PPIL6: variants seen among roughly 807,000 people sequenced by gnomAD.
PPIL6 encodes peptidylprolyl isomerase like 6.
A neutral mutation model predicts 36.8 loss-of-function variants in PPIL6; 39 were observed. The ratio of observed to expected loss-of-function variants is 1.06; its 90% CI spans 0.82 to 1.38. PPIL6 has a LOEUF of 1.38. Ranked by LOEUF, PPIL6 falls within the 40% of genes most tolerant of loss-of-function variation. The pLI is 0.00. For synonymous variants in PPIL6, 123 were observed against 134.1 expected, an observed-to-expected ratio of 0.92 and a Z score of 0.57; for missense variants, 368 against 379.1, an observed-to-expected ratio of 0.97 and a Z score of 0.24.
Position 109,391,265 on chromosome 6 carries a change from G to A in PPIL6, c.*1561C>T, listed in dbSNP as rs1772088030. 1 of 144,350 alleles carries A rather than the reference G, an allele frequency of 6.9e-6. No homozygotes were observed. Among genetic ancestry groups the A allele is most frequent in the Non-Finnish European group, 1.5e-5 (1 of 66,818 alleles). The allele number at this position is 144,350 out of a possible 1,614,324, so 8.9% of individuals were successfully genotyped here. On this transcript the variant is annotated 3_prime_UTR_variant, in exon 8 of 8. Transcript: ENST00000521072. ...ATTGTGCCACTGCACTCCAGCCTGG[G>A]CGACAGAGTGAGATTCCGTCTCAAA...
At chr6:109,437,644 T>A (rs1452469734) in intron 1 of PPIL6, among the ~76,000 whole-genome samples, 3 of 145,276 alleles carry the variant, frequency 2.1e-5, no homozygotes, top group Non-Finnish European at 3.0e-5. Context: ...AACCTCCGTC[T>A]CCTGGGTTCA....
chr6:109,403,142 T>A, intron 6 of PPIL6: 1 of 1,417,404 alleles, frequency 7.1e-7, no homozygotes, highest in Non-Finnish European at 9.4e-7. Flanking sequence ...AAATTTAAAT[T>A]AAATTAAATT....
intron 2 of PPIL6, among the ~76,000 whole-genome samples, chr6:109,433,556 C>T (rs1004735831): frequency 2.0e-5 from 3 of 152,228 alleles, no homozygotes; most frequent in Non-Finnish European, 4.4e-5. Flanking sequence ...CTAGGGCCTT[C>T]AGCACTAAGA....
intron 1 of PPIL6, among the ~76,000 whole-genome samples, chr6:109,438,433 A>C (rs746653318): frequency 2.0e-4 from 30 of 152,048 alleles, no homozygotes; most frequent in Non-Finnish European, 4.0e-4. Context: ...GAAAAAAAAA[A>C]CTAGCTGAAT....
chr6:109,440,726 T>A, upstream of PPIL6: 5 of 353,980 alleles, frequency 1.4e-5, no homozygotes, highest in Non-Finnish European at 1.6e-5. Context: ...GGGCCTTTCC[T>A]CAACTTTGCG....
intron 6 of PPIL6, among the ~76,000 whole-genome samples, chr6:109,412,930 C>T (rs539319276): frequency 6.6e-6 from 1 of 152,160 alleles, no homozygotes; most frequent in Non-Finnish European, 1.5e-5. Flanking sequence ...GAGGCTGAGG[C>T]AGGTGGATCA....
At chr6:109,434,626 G>T (rs1774346171) in intron 2 of PPIL6, among the ~76,000 whole-genome samples, 1 of 152,144 alleles carries the variant, frequency 6.6e-6, no homozygotes, top group African/African-American at 2.4e-5. Flanking sequence ...ATAAAACCGT[G>T]CTGCTTCCAT....
At chr6:109,430,472 G>A (rs1774076714) in intron 3 of PPIL6, among the ~76,000 whole-genome samples, 1 of 151,660 alleles carries the variant, frequency 6.6e-6, no homozygotes, top group African/African-American at 2.4e-5. Flanking sequence ...TCTGCACCAG[G>A]CTGGAGTGCA....
intron 7 of PPIL6, among the ~76,000 whole-genome samples, chr6:109,395,332 G>A (rs1010413462): frequency 5.3e-5 from 8 of 151,886 alleles, no homozygotes; most frequent in Non-Finnish European, 8.8e-5. Flanking sequence ...GCTTAAACCC[G>A]GGAGGCAGAG....
chr6:109,414,500 T>TCG (rs1562262601), intron 6 of PPIL6, among the ~76,000 whole-genome samples: 1 of 121,360 alleles, frequency 8.2e-6, no homozygotes, highest in Non-Finnish European at 1.6e-5. Flanking sequence ...TTTTTTTTTT[T>TCG]TTGAGACAAG....
At chr6:109,435,006 C>T (rs1774367408) in intron 2 of PPIL6, among the ~76,000 whole-genome samples, 1 of 152,138 alleles carries the variant, frequency 6.6e-6, no homozygotes, top group South Asian at 2.1e-4. Context: ...AAGGAAGCTT[C>T]AACTAGGACA....
At chr6:109,408,273 T>C (rs371648829) in intron 6 of PPIL6, among the ~76,000 whole-genome samples, 67 of 152,354 alleles carry the variant, frequency 4.4e-4, no homozygotes, top group African/African-American at 1.5e-3. Flanking sequence ...TATGATAATC[T>C]AATTTTCTTT....
chr6:109,423,668 A>AT (rs1172180764), intron 5 of PPIL6, among the ~76,000 whole-genome samples: 3 of 152,078 alleles, frequency 2.0e-5, no homozygotes, highest in South Asian at 2.1e-4. Context: ...AAACATGATC[A>AT]TTTTTTGTGT....
intron 6 of PPIL6, among the ~76,000 whole-genome samples, chr6:109,402,347 C>G (rs1772589252): frequency 1.3e-5 from 2 of 152,048 alleles, no homozygotes; most frequent in African/African-American, 4.8e-5. Context: ...ACCAGTCTGG[C>G]CAACATGGCA....
chr6:109,408,239 G>A (rs1344136119), intron 6 of PPIL6, among the ~76,000 whole-genome samples: 4 of 151,958 alleles, frequency 2.6e-5, no homozygotes, highest in African/African-American at 9.7e-5. Context: ...TTTTCTTCTG[G>A]CATAAAGTGT....
chr6:109,420,347 A>G (rs1773479990), intron 5 of PPIL6, among the ~76,000 whole-genome samples: 1 of 149,782 alleles, frequency 6.7e-6, no homozygotes, highest in African/African-American at 2.5e-5. Flanking sequence ...AAAAAAAAAA[A>G]AAAAAAAAAA....
chr6:109,430,078 T>G (rs1355540729), intron 3 of PPIL6, among the ~76,000 whole-genome samples: 1 of 152,244 alleles, frequency 6.6e-6, no homozygotes, highest in East Asian at 1.9e-4. Context: ...CAAAGTGCAC[T>G]GTTTATTCAA....
Position 109,422,809 on chromosome 6 carries a change from G to A in PPIL6, c.632-3566C>T, listed in dbSNP as rs62436106. ...CCTATAAATGTAAGTCAAATGGAAA[G>A]CCTGAAGCATATTAATTATTTGGTA... On this transcript the variant is annotated intron_variant, in intron 5 of 7. Transcript: ENST00000521072. 7.1e-3 allele frequency among the ~76,000 whole-genome samples: 1,080 copies of A among 152,334 alleles called. 7 individuals are homozygous for A. The highest frequency in any genetic ancestry group is 0.011 in the Non-Finnish European group (720 of 68,016).
In PPIL6 at chr6:109,392,798, A is replaced by G; in HGVS notation, c.*28T>C. Reference sequence around the variant, plus strand: ...CAGCTGATCAGATACAAAGTAATAAATTATCACAGAAAATATTGATATGAA... The same window carrying G: ...CAGCTGATCAGATACAAAGTAATAAGTTATCACAGAAAATATTGATATGAA... On this transcript the variant is annotated 3_prime_UTR_variant, in exon 8 of 8. Coordinates refer to ENST00000521072, the MANE Select transcript of PPIL6 (RefSeq NM_173672.5). 1 of 1,235,990 alleles carries G rather than the reference A, an allele frequency of 8.1e-7. No individual in the cohort carries two copies. The highest frequency in any genetic ancestry group is 1.2e-6 in the Non-Finnish European group (1 of 858,624). The allele number at this position is 1,235,990 out of a possible 1,614,324, so 76.6% of individuals were successfully genotyped here. A position where few individuals can be genotyped will look rare whatever the true frequency, so the allele number is the denominator to read the frequency against.
Sources: gnomAD v4.1 joint callset for allele counts (sites outside exome capture counted in the v4.1 genomes callset) on GRCh38, gnomAD v4.1.1 for gene constraint, MANE v1.5 for transcripts, NCBI Gene and HGNC (gene_info 2026-07-23, HGNC 2026-07-21) for gene names.